Variants in RIGI observed in about 807,000 individuals in gnomAD.
RIGI encodes antiviral innate immune response receptor RIG-I.
the RIGI span, among the ~76,000 whole-genome samples, chr9:32,478,118 A>G: frequency 7.2e-5 from 11 of 151,784 alleles, no homozygotes; most frequent in East Asian, 2.0e-3. Flanking sequence ...CTCTTGGCTC[A>G]CTGCAACCTC....
chr9:32,473,124 A>T, the RIGI span: 1 of 1,240,838 alleles, frequency 8.1e-7, no homozygotes, highest in African/African-American at 1.5e-5. Context: ...GTATTAATTC[A>T]ATATTGAAAT....
the RIGI span, among the ~76,000 whole-genome samples, chr9:32,487,791 G>A: frequency 2.6e-5 from 4 of 152,088 alleles, no homozygotes; most frequent in African/African-American, 9.7e-5. Context: ...TTTACTAAGT[G>A]AACAAATGAA....
At chr9:32,514,111 T>G in the RIGI span, among the ~76,000 whole-genome samples, 3 of 152,344 alleles carry the variant, frequency 2.0e-5, no homozygotes, top group Admixed American at 2.0e-4. Context: ...ACAGGAACGC[T>G]TTTACACTTT....
the RIGI span, among the ~76,000 whole-genome samples, chr9:32,482,971 G>A: frequency 5.3e-5 from 8 of 152,002 alleles, no homozygotes; most frequent in Admixed American, 2.0e-4. Flanking sequence ...GCATAGAATC[G>A]GCCCTCAAAA....
chr9:32,482,269 A>G, the RIGI span, among the ~76,000 whole-genome samples: 8 of 152,046 alleles, frequency 5.3e-5, no homozygotes, highest in African/African-American at 1.9e-4. Flanking sequence ...TTACATTCAT[A>G]ATTTCATTTA....
At chr9:32,485,295 A>AG in the RIGI span, 22 of 1,522,182 alleles carry the variant, frequency 1.4e-5, no homozygotes, top group African/African-American at 2.8e-5. Context: ...GACGTCAAAA[A>AG]AAAAAGAAAA....
the RIGI span, among the ~76,000 whole-genome samples, chr9:32,461,085 C>A: frequency 6.7e-6 from 1 of 150,312 alleles, no homozygotes; most frequent in Admixed American, 6.6e-5. Context: ...AGGGGGAAAT[C>A]AGTCTGAATA....
At chr9:32,511,442 A>G in the RIGI span, among the ~76,000 whole-genome samples, 1 of 152,184 alleles carries the variant, frequency 6.6e-6, no homozygotes, top group Non-Finnish European at 1.5e-5. Context: ...TCAAAACTGC[A>G]CAACTACATG....
At chr9:32,458,156 GC>G in the RIGI span, among the ~76,000 whole-genome samples, 1 of 152,094 alleles carries the variant, frequency 6.6e-6, no homozygotes, top group African/African-American at 2.4e-5. Flanking sequence ...AGCCAGCCCA[GC>G]CCCTCCACTG....
chr9:32,483,880 C>T, the RIGI span, among the ~76,000 whole-genome samples: 13 of 152,054 alleles, frequency 8.5e-5, no homozygotes, highest in African/African-American at 2.2e-4. Context: ...TGAAACACAC[C>T]TTATCACCCC....
chr9:32,514,056 A>T, the RIGI span, among the ~76,000 whole-genome samples: 1 of 152,242 alleles, frequency 6.6e-6, no homozygotes, highest in Non-Finnish European at 1.5e-5. Flanking sequence ...AATGGCAATC[A>T]TTAAAAAGTC....
the RIGI span, among the ~76,000 whole-genome samples, chr9:32,518,455 T>C: frequency 6.6e-6 from 1 of 151,762 alleles, no homozygotes; most frequent in African/African-American, 2.4e-5. Flanking sequence ...ATATCATAGA[T>C]GGTGTGTGTA....
At chr9:32,502,216 T>C in the RIGI span, among the ~76,000 whole-genome samples, 2 of 152,254 alleles carry the variant, frequency 1.3e-5, no homozygotes, top group African/African-American at 2.4e-5. Flanking sequence ...CCAAATAATA[T>C]CCCACTGTAT....
At chr9:32,482,187 T>TTGTGTGTGTG in the RIGI span, among the ~76,000 whole-genome samples, 66 of 145,058 alleles carry the variant, frequency 4.5e-4, no homozygotes, top group African/African-American at 1.6e-3. Context: ...GTGTGTTTGT[T>TTGTGTGTGTG]TGTGTGTGTG....
the RIGI span, among the ~76,000 whole-genome samples, chr9:32,517,103 G>A: frequency 2.0e-5 from 3 of 152,186 alleles, no homozygotes; most frequent in African/African-American, 4.8e-5. Flanking sequence ...CTTTTATGCC[G>A]CTGTTTTAAG....
chr9:32,524,518 A>G, the RIGI span, among the ~76,000 whole-genome samples: 1 of 151,646 alleles, frequency 6.6e-6, no homozygotes, highest in Non-Finnish European at 1.5e-5. Context: ...AAAAACTGCA[A>G]TAACATCAGG....
At chr9:32,504,278 C>A in the RIGI span, among the ~76,000 whole-genome samples, 1 of 152,166 alleles carries the variant, frequency 6.6e-6, no homozygotes, top group Admixed American at 6.6e-5. Flanking sequence ...TGGATAAGCT[C>A]CCTTTGCTTT....
the RIGI span, among the ~76,000 whole-genome samples, chr9:32,518,959 C>T: frequency 6.6e-6 from 1 of 152,238 alleles, no homozygotes; most frequent in African/African-American, 2.4e-5. Context: ...ATTCACCCAT[C>T]TTGGCCTCCC....
At chr9:32,519,825 GT>G in the RIGI span, among the ~76,000 whole-genome samples, 8 of 151,880 alleles carry the variant, frequency 5.3e-5, no homozygotes, top group Admixed American at 1.3e-4. Context: ...ACTTTCTAGT[GT>G]TTTTTTTATC....
Sources: gnomAD v4.1 joint callset for allele counts (sites outside exome capture counted in the v4.1 genomes callset) on GRCh38, gnomAD v4.1.1 for gene constraint, MANE v1.5 for transcripts, NCBI Gene and HGNC (gene_info 2026-07-23, HGNC 2026-07-21) for gene names.